Variants in PRKX observed in about 807,000 individuals in gnomAD.
PRKX encodes protein kinase cAMP-dependent X-linked catalytic subunit, also known as cAMP-dependent protein kinase catalytic subunit PRKX.
In PRKX, 12 loss-of-function variants were observed where a neutral mutation model predicts 22.0. The ratio of observed to expected loss-of-function variants is 0.54; its 90% CI spans 0.35 to 0.88. The LOEUF (loss-of-function observed/expected upper bound fraction) is 0.88. Among genes scored for constraint, PRKX ranks in the 40% least tolerant of loss-of-function variants. The pLI is 0.01. For synonymous variants in PRKX, 134 were observed against 137.7 expected (o/e 0.97, Z 0.19); for missense variants, 217 against 308.0 (o/e 0.70, Z 2.21).
chrX:3,665,411 G>A (rs1333037551), intron 2 of PRKX, among the ~76,000 whole-genome samples: 1 of 110,603 alleles, frequency 9.0e-6, no homozygotes, highest in Non-Finnish European at 1.9e-5. Context: ...AGGAGGCACA[G>A]GTTGCAGTGA....
In PRKX at chrX:3,697,071, T is replaced by C. The variant is rs765237210; in HGVS notation, c.166+16017A>G. Among the ~76,000 whole-genome samples the C allele has an allele frequency of 5.5e-5, 6 of 109,344 alleles. No individual in the cohort carries two copies. In the East Asian group the frequency reaches 1.7e-3, roughly 32 times the overall value. The allele number at this position is 109,344 out of a possible 115,157, so 95.0% of individuals were successfully genotyped here. On this transcript the variant is annotated intron_variant, in intron 1 of 8. Transcript: ENST00000262848. ...GACAAACAAACAAAAAGCTACCTAC[T>C]CACCAGGCACAGTGGCTCATGCCTG...
At position 3,605,368 on chromosome X, in the gene PRKX, G is replaced by C. The variant is rs1926144973; in HGVS notation, c.*3601C>G. The C allele has an allele frequency of 8.9e-6, 1 of 112,583 alleles. No individual in the cohort carries two copies. Among genetic ancestry groups the C allele is most frequent in the Non-Finnish European group, 1.9e-5 (1 of 53,361 alleles). 9.3% of individuals were successfully genotyped at this position (112,583 alleles called of 1,213,427 possible). A position where few individuals can be genotyped will look rare whatever the true frequency, so the allele number is the denominator to read the frequency against. ...GGCTGCAAAAATACAACCCAAGCCA[G>C]TGCTGTCTTGCACCCTGTTCACTCA... On this transcript the variant is annotated 3_prime_UTR_variant, in exon 9 of 9. Transcript: ENST00000262848.
chrX:3,709,703 T>C (rs1928749919), intron 1 of PRKX, among the ~76,000 whole-genome samples: 1 of 111,885 alleles, frequency 8.9e-6, no homozygotes, highest in African/African-American at 3.3e-5. Flanking sequence ...AAGTAGGAAA[T>C]TGGTAAAATA....
rs757791919 is a variant in PRKX, at chrX:3,702,305, C to T, written c.166+10783G>A. ...TTCTTCTGTGCCAAGGTTTCTCTGG[C>T]CACACCTGTGTGCAACCCTTTTGTT... On this transcript the variant is annotated intron_variant, in intron 1 of 8. Coordinates refer to ENST00000262848, the MANE Select transcript of PRKX (RefSeq NM_005044.5). Among the ~76,000 whole-genome samples, 8 of 113,023 alleles carry T rather than the reference C, an allele frequency of 7.1e-5. No homozygotes were observed. In the East Asian group the frequency reaches 2.2e-3, roughly 31 times the overall value.
intron 1 of PRKX, among the ~76,000 whole-genome samples, chrX:3,697,245 A>C (rs1569063573): frequency 9.0e-6 from 1 of 111,388 alleles, no homozygotes. Flanking sequence ...ATGTGCCTGT[A>C]GTCTCAGCTA....
intron 1 of PRKX, among the ~76,000 whole-genome samples, chrX:3,694,948 G>T (rs1012817506): frequency 6.2e-5 from 7 of 112,166 alleles, no homozygotes; most frequent in Non-Finnish European, 1.1e-4. Flanking sequence ...CCTGCACTTT[G>T]ATTTCAGACT....
intron 1 of PRKX, among the ~76,000 whole-genome samples, chrX:3,689,943 C>T (rs1270966978): frequency 9.0e-6 from 1 of 111,298 alleles, no homozygotes; most frequent in Non-Finnish European, 1.9e-5. Flanking sequence ...CACCACTGCA[C>T]TCCAGCCTGC....
chrX:3,611,719 C>T (rs958179094), intron 8 of PRKX, among the ~76,000 whole-genome samples: 5 of 111,936 alleles, frequency 4.5e-5, no homozygotes, highest in Non-Finnish European at 7.5e-5. Flanking sequence ...TTCCAGTCAT[C>T]TTCAATTAAG....
At chrX:3,647,752 T>G (rs1927219528) in intron 3 of PRKX, among the ~76,000 whole-genome samples, 1 of 110,111 alleles carries the variant, frequency 9.1e-6, no homozygotes, top group Non-Finnish European at 1.9e-5. Flanking sequence ...TTAAGCATTT[T>G]TAATTGTATA....
At chrX:3,653,677 TAATA>T (rs1397706663) in intron 3 of PRKX, among the ~76,000 whole-genome samples, 1 of 67,912 alleles carries the variant, frequency 1.5e-5, no homozygotes, top group Non-Finnish European at 2.6e-5. Flanking sequence ...GTGATATATA[TAATA>T]TATATAATAT....
At chrX:3,653,280 C>T (rs1304881954) in intron 3 of PRKX, among the ~76,000 whole-genome samples, 2 of 110,038 alleles carry the variant, frequency 1.8e-5, no homozygotes, top group African/African-American at 6.6e-5. Flanking sequence ...GAGGACACAG[C>T]GAGAAGGCGC....
chrX:3,669,082 G>A (rs905107019), intron 2 of PRKX, among the ~76,000 whole-genome samples: 3 of 112,122 alleles, frequency 2.7e-5, no homozygotes, highest in African/African-American at 9.7e-5. Flanking sequence ...CAGCAGTGCT[G>A]AGGTTGAGAA....
At chrX:3,683,371 C>A (rs1928111678) in intron 1 of PRKX, among the ~76,000 whole-genome samples, 1 of 111,282 alleles carries the variant, frequency 9.0e-6, no homozygotes, top group Non-Finnish European at 1.9e-5. Context: ...ACAGCAACAT[C>A]CCAGGAAAGA....
At chrX:3,669,149 A>C (rs748601169) in intron 2 of PRKX, among the ~76,000 whole-genome samples, 9 of 112,323 alleles carry the variant, frequency 8.0e-5, no homozygotes, top group Non-Finnish European at 1.3e-4. Flanking sequence ...CTATCTCAAT[A>C]TCTATCAACC....
chrX:3,668,636 C>T (rs1035788408), intron 2 of PRKX, among the ~76,000 whole-genome samples: 1 of 111,857 alleles, frequency 8.9e-6, no homozygotes, highest in Non-Finnish European at 1.9e-5. Flanking sequence ...GGATGTGGCC[C>T]GGAGTGGAGA....
chrX:3,706,623 A>G (rs749378979), intron 1 of PRKX, among the ~76,000 whole-genome samples: 3 of 111,977 alleles, frequency 2.7e-5, no homozygotes, highest in Non-Finnish European at 5.6e-5. Flanking sequence ...TGATTTTTAC[A>G]AGTATGTCTC....
intron 7 of PRKX, among the ~76,000 whole-genome samples, chrX:3,612,719 G>A: frequency 9.1e-6 from 1 of 110,417 alleles, no homozygotes; most frequent in East Asian, 2.9e-4. Context: ...CCAGGAGGTC[G>A]ATACTCCAAG....
chrX:3,659,852 G>A (rs1207703351), intron 2 of PRKX, among the ~76,000 whole-genome samples: 4 of 109,148 alleles, frequency 3.7e-5, no homozygotes, highest in Non-Finnish European at 5.7e-5. Flanking sequence ...AGCCTCCCGA[G>A]TAGCTGGGAT....
chrX:3,648,195 C>G (rs1290496218), intron 3 of PRKX, among the ~76,000 whole-genome samples: 3 of 111,505 alleles, frequency 2.7e-5, no homozygotes, highest in Non-Finnish European at 5.6e-5. Flanking sequence ...ATATTTTAGG[C>G]CTTGTGAATC....
Sources: gnomAD v4.1 joint callset for allele counts (sites outside exome capture counted in the v4.1 genomes callset) on GRCh38, gnomAD v4.1.1 for gene constraint, MANE v1.5 for transcripts, NCBI Gene and HGNC (gene_info 2026-07-23, HGNC 2026-07-21) for gene names.